LAMB3: variants seen among roughly 807,000 people sequenced by gnomAD.
LAMB3 encodes the protein laminin subunit beta 3, also known as laminin subunit beta-3.
LAMB3 carries 104 observed loss-of-function variants against 140.3 expected under a neutral mutation model. That is an observed-to-expected ratio of 0.74 (90% CI 0.63 to 0.87). The LOEUF is 0.87. Among genes scored for constraint, LAMB3 ranks in the 40% least tolerant of loss-of-function variants. LAMB3 has a pLI of 0.00. For synonymous variants in LAMB3, 592 were observed against 602.9 expected (o/e 0.98, Z 0.26); for missense variants, 1,531 against 1,575.2 (o/e 0.97, Z 0.47).
chr1:209,623,545 T>C lies in LAMB3; in HGVS notation c.2318A>G (p.Glu773Gly). Residue 773 changes from glutamate (E) to glycine (G), a missense_variant, in exon 16 of 23, where the codon GAG (glutamate) becomes GGG (glycine). Coordinates refer to ENST00000356082, the MANE Select transcript of LAMB3 (RefSeq NM_000228.3). This position sits in a 1 kb window ranked among gnomAD's most constrained non-coding sequence, Gnocchi z 4.2. ...TGTCAGGTCAGGCAACGAAGACATC[T>C]CCAGCCTCAGGGCCACAAGCTTGGG... ...GSPKLVALRLEMSSLPDLTPT... is the reference protein window; with the variant it reads ...GSPKLVALRLGMSSLPDLTPT... 1 of 1,614,184 alleles carries C rather than the reference T, an allele frequency of 6.2e-7. No individual in the cohort carries two copies. The highest frequency in any genetic ancestry group is 8.5e-7 in the Non-Finnish European group (1 of 1,180,028).
rs1665900921 is a variant in LAMB3, at chr1:209,615,091, A to T, written c.*180T>A. ...TTTGTCTGTCAAGTGTAACTGTCCC[A>T]TTGGCTCAGGCTCAGCTGCAGCTCA... is the stretch of plus-strand genomic sequence containing the variant. On this transcript the variant is annotated 3_prime_UTR_variant, in exon 23 of 23. Coordinates refer to ENST00000356082, the MANE Select transcript of LAMB3 (RefSeq NM_000228.3). 1 of 669,194 alleles carries T rather than the reference A, an allele frequency of 1.5e-6. No homozygotes were observed. Among genetic ancestry groups the T allele is most frequent in the South Asian group, 1.9e-5 (1 of 52,558 alleles). 41.5% of individuals were successfully genotyped at this position (669,194 alleles called of 1,614,324 possible). A position where few individuals can be genotyped will look rare whatever the true frequency, so the allele number is the denominator to read the frequency against.
intron 18 of LAMB3, among the ~76,000 whole-genome samples, chr1:209,621,351 T>A (rs1251953359): frequency 6.6e-6 from 1 of 152,150 alleles, no homozygotes; most frequent in Non-Finnish European, 1.5e-5. Context: ...CCCAGGTGAG[T>A]GCCTCAAGGC....
At chr1:209,642,261 A>T (rs2076475576) in intron 3 of LAMB3, among the ~76,000 whole-genome samples, 1 of 152,180 alleles carries the variant, frequency 6.6e-6, no homozygotes, top group Non-Finnish European at 1.5e-5. Flanking sequence ...GAATATATAT[A>T]TATGTATATA....
At chr1:209,645,736 A>AAAAC (rs1412947068) in intron 3 of LAMB3, among the ~76,000 whole-genome samples, 3 of 151,900 alleles carry the variant, frequency 2.0e-5, no homozygotes, top group African/African-American at 7.3e-5. Flanking sequence ...AAAAAAAAAA[A>AAAAC]AAGCAGATAT....
rs764283942 is a variant in LAMB3 at position 209,617,479 on chromosome 1, C to G, written c.3159G>C (p.Gln1053His). 3.1e-6 allele frequency: 5 copies of G among 1,613,842 alleles called. No individual in the cohort carries two copies. In the South Asian group the frequency reaches 5.5e-5, roughly 18 times the overall value. ...MEELRHQARQ[Q>H]GAEAVQAQQL... ...GCTGGGCCTGGACTGCCTCTGCCCC[C>G]TGCTGCCGGGCTTGGTGGCGGAGCT... Residue 1053 changes from glutamine to histidine, a missense_variant, in exon 21 of 23, where the codon CAG (glutamine) becomes CAC (histidine). By Grantham distance (24) the Gln-to-His change is conservative. Transcript: ENST00000356082.
chr1:209,650,933 G>C lies in LAMB3; in HGVS notation c.12C>G (p.Phe4Leu). Reference sequence around the variant, plus strand: ...GGTACTTACCAAAACACAAGAGGAAGAATGGTCTCATCTTCAGCCAATGGG... The same window carrying C: ...GGTACTTACCAAAACACAAGAGGAACAATGGTCTCATCTTCAGCCAATGGG... MRP[F>L]FLLCFALPGL... The change falls in exon 2 of 23, where the codon TTC becomes TTG. Residue 4 changes from phenylalanine (F) to leucine (L), a missense_variant. By Grantham distance (22) the Phe-to-Leu change is conservative (BLOSUM62 0). Transcript: ENST00000356082. The C allele has an allele frequency of 1.9e-6, 3 of 1,614,194 alleles. No homozygotes were observed. Among genetic ancestry groups the C allele is most frequent in the Non-Finnish European group, 2.5e-6 (3 of 1,180,026 alleles).
In LAMB3 at chr1:209,617,989, C is replaced by A; in HGVS notation, c.2969G>T (p.Gly990Val). 1 of 1,614,168 alleles carries A rather than the reference C, an allele frequency of 6.2e-7. No individual in the cohort carries two copies. Among genetic ancestry groups the A allele is most frequent in the Non-Finnish European group, 8.5e-7 (1 of 1,180,034 alleles). The change falls in exon 20 of 23, where the codon GGG becomes GTG. Residue 990 changes from glycine to valine, a missense_variant. Physicochemically the swap from Gly to Val is moderately radical, Grantham distance 109. Coordinates refer to ENST00000356082, the MANE Select transcript of LAMB3 (RefSeq NM_000228.3). ...VEDVVGNLRQ[G>V]TVALQEAQDT... ...CTGAGCTTCCTGCAGTGCCACTGTCCCCTGCCGCAGGTTCCCAACCACATC... is the reference window on the plus strand; with the variant it reads ...CTGAGCTTCCTGCAGTGCCACTGTCACCTGCCGCAGGTTCCCAACCACATC...
intron 7 of LAMB3, 104 bp downstream of exon 7, chr1:209,632,966 G>A (rs1012881439): frequency 2.8e-5 from 31 of 1,104,506 alleles, no homozygotes; most frequent in Middle Eastern, 3.9e-4. Flanking sequence ...CCCCAACCAC[G>A]TTGACAAAAA....
chr1:209,650,153 G>GAAA (rs1338826769), intron 2 of LAMB3, 35 bp from the exon 3 acceptor site: 12 of 1,593,764 alleles, frequency 7.5e-6, no homozygotes, highest in Non-Finnish European at 1.0e-5. Flanking sequence ...GAGCAGTCCA[G>GAAA]AAAAAAAGGG....
In LAMB3 at chr1:209,617,975, G is replaced by T; in HGVS notation, c.2983C>A (p.Gln995Lys). Residue 995 changes from glutamine to lysine, a missense_variant, in exon 20 of 23, where the codon CAG becomes AAG. Physicochemically the swap from Gln to Lys is moderately conservative, Grantham distance 53. Coordinates refer to ENST00000356082, the MANE Select transcript of LAMB3 (RefSeq NM_000228.3). ...CCTTGCATGGTGTCCTGAGCTTCCT[G>T]CAGTGCCACTGTCCCCTGCCGCAGG... ...GNLRQGTVAL[Q>K]EAQDTMQGTS... is the part of the protein sequence containing the mutation. The T allele has an allele frequency of 6.2e-7, 1 of 1,614,184 alleles. No homozygotes were observed. Among genetic ancestry groups the T allele is most frequent in the South Asian group, 1.1e-5 (1 of 91,080 alleles).
intron 3 of LAMB3, among the ~76,000 whole-genome samples, chr1:209,644,832 C>T (rs570498161): frequency 1.3e-5 from 2 of 152,296 alleles, no homozygotes; most frequent in Admixed American, 6.5e-5. Flanking sequence ...GGGACCTCTA[C>T]AGGTCCTGCC....
intron 20 of LAMB3, 77 bp from the exon 21 acceptor site, chr1:209,617,663 C>T (rs1666023152): frequency 6.5e-7 from 1 of 1,547,260 alleles, no homozygotes; most frequent in Non-Finnish European, 8.9e-7. Flanking sequence ...TTTTCTCCAA[C>T]TCATCAGGCA....
At chr1:209,650,830 C>G in intron 2 of LAMB3, 87 bp downstream of exon 2, 1 of 1,300,388 alleles carries the variant, frequency 7.7e-7, no homozygotes, top group Non-Finnish European at 1.1e-6. Flanking sequence ...CAGGTGATGC[C>G]CACACTTTGG....
Position 209,622,828 on chromosome 1 carries a change from G to A in LAMB3, c.2557-148C>T, listed in dbSNP as rs1666252958. 3.7e-6 allele frequency: 5 copies of A among 1,364,738 alleles called. No individual in the cohort carries two copies. The African/African-American group carries it at 5.7e-5, about 16-fold the overall frequency. The allele number at this position is 1,364,738 out of a possible 1,614,324, so 84.5% of individuals were successfully genotyped here. A position where few individuals can be genotyped will look rare whatever the true frequency, so the allele number is the denominator to read the frequency against. On this transcript the variant is annotated intron_variant, in intron 17 of 22. Transcript: ENST00000356082. The stretch of plus-strand genomic sequence containing the variant: ...GCTTACATGTGGATGTTCAGTAAAA[G>A]AGAAAAAAAACTATCTTGCACTTGC...
chr1:209,615,742 A>G (rs1277106245), intron 22 of LAMB3, among the ~76,000 whole-genome samples: 1 of 152,192 alleles, frequency 6.6e-6, no homozygotes, highest in East Asian at 1.9e-4. Context: ...AGTTCCCAGG[A>G]GCCCCTGTTC....
intron 18 of LAMB3, 80 bp from the exon 19 acceptor site, chr1:209,618,739 T>C: frequency 1.4e-6 from 2 of 1,380,396 alleles, no homozygotes; most frequent in East Asian, 2.5e-5. Context: ...TGAGCAGCAC[T>C]TGTGGAAGGC....
chr1:209,645,416 CA>C (rs1275031220), intron 3 of LAMB3, among the ~76,000 whole-genome samples: 2 of 152,200 alleles, frequency 1.3e-5, no homozygotes, highest in African/African-American at 2.4e-5. Flanking sequence ...TTCTGGGAAA[CA>C]AAAAAGCAGA....
At chr1:209,641,060 G>A (rs1342026284) in intron 3 of LAMB3, among the ~76,000 whole-genome samples, 6 of 146,460 alleles carry the variant, frequency 4.1e-5, no homozygotes, top group East Asian at 2.0e-4. Context: ...TCCAGCCTGG[G>A]CAACAGAGCG....
chr1:209,625,772 G>C lies in LAMB3; in HGVS notation c.1852C>G (p.Arg618Gly), dbSNP rs200108885. 9 of 1,614,144 alleles carry C rather than the reference G, an allele frequency of 5.6e-6. No homozygotes were observed. The highest frequency in any genetic ancestry group is 5.1e-6 in the Non-Finnish European group (6 of 1,180,036). ...SLWSGPGLED[R>G]GLASRILDAK... Reference sequence around the variant, plus strand: ...TCTAGGATCCGGGAGGCCAGGCCACGGTCCTCCAGCCCAGGCCCTGACCAC... The same window carrying C: ...TCTAGGATCCGGGAGGCCAGGCCACCGTCCTCCAGCCCAGGCCCTGACCAC... Residue 618 changes from arginine to glycine, a missense_variant, in exon 14 of 23, where the codon CGT becomes GGT. Physicochemically the swap from Arg to Gly is moderately radical, Grantham distance 125. Coordinates refer to ENST00000356082, the MANE Select transcript of LAMB3 (RefSeq NM_000228.3).
Sources: allele counts gnomAD v4.1 joint callset (sites outside exome capture counted in the v4.1 genomes callset), GRCh38; gene constraint gnomAD v4.1.1; non-coding constraint Gnocchi (gnomAD v3.1); transcripts MANE v1.5; gene names NCBI Gene and HGNC (gene_info 2026-07-23, HGNC 2026-07-21).